The following SPEM2 variants were observed in gnomAD, a reference collection of about 807,000 sequenced individuals.
The protein encoded by SPEM2 is SPEM family member 2.
A neutral mutation model predicts 9.3 loss-of-function variants in SPEM2; 15 were observed. That is an observed-to-expected ratio of 1.62 (90% confidence interval 1.08 to 2.50). SPEM2 has a LOEUF of 2.50. Among genes scored for constraint, SPEM2 ranks in the 30% most tolerant of loss-of-function variants. The pLI is 0.00. For synonymous variants in SPEM2, 268 were observed against 272.4 expected (o/e 0.98, Z 0.16); for missense variants, 678 against 690.0 (o/e 0.98, Z 0.19).
In SPEM2 at chr17:7,427,038, G is replaced by T; in HGVS notation, c.1047G>T (p.Gln349His). The change falls in exon 3 of 3, where the codon CAG becomes CAT. Residue 349 changes from glutamine (Q) to histidine (H), a missense_variant. Coordinates refer to ENST00000333870, the MANE Select transcript of SPEM2 (RefSeq NM_175734.5). This position sits in a 1 kb window ranked among gnomAD's most constrained non-coding sequence, Gnocchi z 5.4. ...AGCACCACTCCCCACAGTCCCACCA[G>T]CAGAGCCTGCTTGGTCACGCCTATG... is the stretch of plus-strand genomic sequence containing the variant. ...CREHHSPQSH[Q>H]QSLLGHAYGQ... is the part of the protein sequence containing the mutation. 1 of 1,612,132 alleles carries T rather than the reference G, an allele frequency of 6.2e-7. No homozygotes were observed.
rs1489581346 is a variant in SPEM2, at chr17:7,425,676, G to T, written c.-13G>T. On this transcript the variant is annotated 5_prime_UTR_variant, in exon 1 of 3. In the 5' UTR this introduces an upstream ATG that the reference lacks. Transcript: ENST00000333870. ...GAGGGGGGTGGCCCAGGTGGCCCTA[G>T]GACCCCCCCTCCATGGAAAACCAGC... 7.4e-6 allele frequency: 12 copies of T among 1,612,604 alleles called. No homozygotes were observed. The highest frequency in any genetic ancestry group is 9.3e-6 in the Non-Finnish European group (11 of 1,179,216).
At chr17:7,425,908 G>T (rs2150824240) in intron 1 of SPEM2, 82 bp downstream of exon 1, 3 of 1,612,100 alleles carry the variant, frequency 1.9e-6, no homozygotes, top group Middle Eastern at 1.7e-4. Context: ...TCCACCTGCA[G>T]GTGCGGTCTA....
rs185338080 is a variant in SPEM2, at chr17:7,426,373, C to T, written c.382C>T (p.Arg128Cys). The change falls in exon 3 of 3, where the codon CGC (arginine) becomes TGC (cysteine). Residue 128 changes from arginine to cysteine, a missense_variant. Arg to Cys is a radical substitution (Grantham distance 180, BLOSUM62 -3). Coordinates refer to ENST00000333870, the MANE Select transcript of SPEM2 (RefSeq NM_175734.5). The surrounding 1 kb of genome is among the most constrained non-coding windows in gnomAD (Gnocchi z 5.3). ...TCTTCTTCGCTGTGTTCGTCGCCGC[C>T]GCCGCCGCCACCGCCGTTGTCGCCG... is the stretch of plus-strand genomic sequence containing the variant. The part of the protein sequence containing the change: ...SSLLRCVRRR[R>C]RRHRRCRRRC... The T allele has an allele frequency of 2.4e-3, 3,856 of 1,613,490 alleles. 11 individuals are homozygous for T. Among genetic ancestry groups the T allele is most frequent in the Non-Finnish European group, 3.1e-3 (3,665 of 1,179,970 alleles).
rs1307546618 is a variant in SPEM2 at position 7,426,526 on chromosome 17, G to A, written c.535G>A (p.Glu179Lys). 34 of 1,613,988 alleles carry A rather than the reference G, an allele frequency of 2.1e-5. No individual in the cohort carries two copies. Among genetic ancestry groups the A allele is most frequent in the Non-Finnish European group, 2.5e-5 (30 of 1,180,040 alleles). Residue 179 changes from glutamate to lysine, a missense_variant, in exon 3 of 3, where the codon GAG (glutamate) becomes AAG (lysine). Transcript: ENST00000333870. The surrounding 1 kb of genome is among the most constrained non-coding windows in gnomAD (Gnocchi z 5.3). ...QLHRVPFFDQ[E>K]DPDSYLEEED... ...ACACCGAGTGCCTTTCTTTGATCAG[G>A]AGGACCCGGATTCCTACCTGGAGGA...
At position 7,427,423 on chromosome 17, in the gene SPEM2, A is replaced by T. The variant is rs1437195251; in HGVS notation, c.1432A>T (p.Ser478Cys). ...RQVQKSRARS[S>C]SLPPASTSTL... ...GGTGCAGAAGAGCAGAGCCAGGTCC[A>T]GCTCACTGCCACCGGCTTCCACCTC... The change falls in exon 3 of 3, where the codon AGC becomes TGC. Residue 478 changes from serine (S) to cysteine (C), a missense_variant. Physicochemically the swap from Ser to Cys is moderately radical, Grantham distance 112. Transcript: ENST00000333870. The surrounding 1 kb of genome is among the most constrained non-coding windows in gnomAD (Gnocchi z 5.4). 6.2e-7 allele frequency: 1 copy of T among 1,611,240 alleles called. No individual in the cohort carries two copies.
Position 7,426,628 on chromosome 17 carries a change from C to T in SPEM2, c.637C>T (p.Pro213Ser). The part of the protein sequence containing the change: ...WGGFYQRAGL[P>S]SNVGLWGHQG... ...CGGGTTTTATCAGAGAGCGGGCCTG[C>T]CCTCCAATGTGGGGCTGTGGGGCCA... Residue 213 changes from proline to serine, a missense_variant, in exon 3 of 3, where the codon CCC (proline) becomes TCC (serine). Coordinates refer to ENST00000333870, the MANE Select transcript of SPEM2 (RefSeq NM_175734.5). The surrounding 1 kb of genome is among the most constrained non-coding windows in gnomAD (Gnocchi z 5.3). 1 of 1,613,972 alleles carries T rather than the reference C, an allele frequency of 6.2e-7. No homozygotes were observed. The highest frequency in any genetic ancestry group is 1.3e-5 in the African/African-American group (1 of 75,060).
Position 7,426,512 on chromosome 17 carries a change from C to A in SPEM2, c.521C>A (p.Pro174His), listed in dbSNP as rs1907611227. 2 of 1,614,028 alleles carry A rather than the reference C, an allele frequency of 1.2e-6. No homozygotes were observed. The highest frequency in any genetic ancestry group is 2.2e-5 in the South Asian group (2 of 91,094). ...SQKMSQLHRV[P>H]FFDQEDPDSY... ...AAGATGTCACAACTACACCGAGTGC[C>A]TTTCTTTGATCAGGAGGACCCGGAT... The change falls in exon 3 of 3, where the codon CCT becomes CAT. Residue 174 changes from proline to histidine, a missense_variant. Pro to His is a moderately conservative substitution (Grantham distance 77, BLOSUM62 -2). Transcript: ENST00000333870. The surrounding 1 kb of genome is among the most constrained non-coding windows in gnomAD (Gnocchi z 5.3).
rs1907591993 is a variant in SPEM2, at chr17:7,426,255, C to T, written c.264C>T (p.His88=). Residue 88 remains histidine (H), a synonymous_variant, in exon 3 of 3, where the codon CAC becomes CAT. Coordinates refer to ENST00000333870, the MANE Select transcript of SPEM2 (RefSeq NM_175734.5). The surrounding 1 kb of genome is among the most constrained non-coding windows in gnomAD (Gnocchi z 5.3). Reference sequence around the variant, plus strand: ...ACAAGGCTCAGGATGTCCACATCCACTGCATCCTGGACCCTGTGCAGGTGA... The same window carrying T: ...ACAAGGCTCAGGATGTCCACATCCATTGCATCCTGGACCCTGTGCAGGTGA... ...PPDKAQDVHI[H]CILDPVQVKM... is the part of the protein sequence containing the mutation. The T allele has an allele frequency of 6.2e-7, 1 of 1,614,184 alleles. No individual in the cohort carries two copies.
chr17:7,426,212 C>T lies in SPEM2; in HGVS notation c.221C>T (p.Pro74Leu), dbSNP rs375487223. ...QKNEIQASES[P>L]PSGPPDKAQD... is the part of the protein sequence containing the mutation. The stretch of plus-strand genomic sequence containing the variant: ...GATGAAATTCAGGCCAGTGAAAGTC[C>T]CCCAAGTGGTCCCCCAGACAAGGCT... The change falls in exon 3 of 3, where the codon CCC (proline) becomes CTC (leucine). Residue 74 changes from proline (P) to leucine (L), a missense_variant. Pro to Leu is a moderately conservative substitution (Grantham distance 98). Coordinates refer to ENST00000333870, the MANE Select transcript of SPEM2 (RefSeq NM_175734.5). This position sits in a 1 kb window ranked among gnomAD's most constrained non-coding sequence, Gnocchi z 5.3. 1.4e-5 allele frequency: 22 copies of T among 1,613,604 alleles called. No homozygotes were observed. In the African/African-American group the frequency reaches 2.0e-4, roughly 15 times the overall value.
At position 7,426,225 on chromosome 17, in the gene SPEM2, C is replaced by G; in HGVS notation, c.234C>G (p.Pro78=). Residue 78 remains proline, a synonymous_variant, in exon 3 of 3, where the codon CCC becomes CCG. Transcript: ENST00000333870. The surrounding 1 kb of genome is among the most constrained non-coding windows in gnomAD (Gnocchi z 5.3). The part of the protein sequence containing the change: ...IQASESPPSG[P]PDKAQDVHIH... ...CCAGTGAAAGTCCCCCAAGTGGTCC[C>G]CCAGACAAGGCTCAGGATGTCCACA... 6.2e-7 allele frequency: 1 copy of G among 1,614,014 alleles called. No homozygotes were observed. Among genetic ancestry groups the G allele is most frequent in the Non-Finnish European group, 8.5e-7 (1 of 1,179,920 alleles).
chr17:7,427,561 C>T lies in SPEM2; in HGVS notation c.*64C>T. The T allele has an allele frequency of 6.6e-7, 1 of 1,513,990 alleles. No homozygotes were observed. 93.8% of individuals were successfully genotyped at this position (1,513,990 alleles called of 1,614,324 possible). ...GGAGAGGAATAAAGAGAAACAGAGTCCAGGAAACACTGTGGTGGTCTGTAG... is the reference window on the plus strand; with the variant it reads ...GGAGAGGAATAAAGAGAAACAGAGTTCAGGAAACACTGTGGTGGTCTGTAG... On this transcript the variant is annotated 3_prime_UTR_variant, in exon 3 of 3. Transcript: ENST00000333870. The surrounding 1 kb of genome is among the most constrained non-coding windows in gnomAD (Gnocchi z 5.4).
chr17:7,426,876 G>T lies in SPEM2; in HGVS notation c.885G>T (p.Val295=). The change falls in exon 3 of 3, where the codon GTG becomes GTT. Residue 295 remains valine, a synonymous_variant. Transcript: ENST00000333870. The surrounding 1 kb of genome is among the most constrained non-coding windows in gnomAD (Gnocchi z 5.3). Reference sequence around the variant, plus strand: ...CCCCTAACCCCTCTTGGGTCCCCGTGGGGCACAGCCCTTACCCCTCAGTGG... The same window carrying T: ...CCCCTAACCCCTCTTGGGTCCCCGTTGGGCACAGCCCTTACCCCTCAGTGG... ...RLPPNPSWVP[V]GHSPYPSVGW... The T allele has an allele frequency of 6.2e-7, 1 of 1,613,046 alleles. No homozygotes were observed. Among genetic ancestry groups the T allele is most frequent in the Non-Finnish European group, 8.5e-7 (1 of 1,179,842 alleles).
At position 7,427,456 on chromosome 17, in the gene SPEM2, A is replaced by C; in HGVS notation, c.1465A>C (p.Arg489=). ...GCCACCGGCTTCCACCTCCACCTTG[A>C]GGCCCTCTCTGCACAGGAGCCAGAC... is the stretch of plus-strand genomic sequence containing the variant. ...SLPPASTSTL[R]PSLHRSQTEK... The change falls in exon 3 of 3, where the codon AGG becomes CGG. Residue 489 remains arginine, a synonymous_variant. Coordinates refer to ENST00000333870, the MANE Select transcript of SPEM2 (RefSeq NM_175734.5). This position sits in a 1 kb window ranked among gnomAD's most constrained non-coding sequence, Gnocchi z 5.4. 1.2e-6 allele frequency: 2 copies of C among 1,601,780 alleles called. No homozygotes were observed. Among genetic ancestry groups the C allele is most frequent in the East Asian group, 2.2e-5 (1 of 44,700 alleles).
Position 7,426,617 on chromosome 17 carries a change from G to C in SPEM2, c.626G>C (p.Arg209Thr), listed in dbSNP as rs749524832. 1.2e-6 allele frequency: 2 copies of C among 1,614,124 alleles called. No homozygotes were observed. The highest frequency in any genetic ancestry group is 2.2e-5 in the East Asian group (1 of 44,876). ...CGCGGCTGGGGCGGGTTTTATCAGAGAGCGGGCCTGCCCTCCAATGTGGGG... is the reference window on the plus strand; with the variant it reads ...CGCGGCTGGGGCGGGTTTTATCAGACAGCGGGCCTGCCCTCCAATGTGGGG... The part of the protein sequence containing the change: ...PRRGWGGFYQ[R>T]AGLPSNVGLW... The change falls in exon 3 of 3, where the codon AGA becomes ACA. Residue 209 changes from arginine to threonine, a missense_variant. Transcript: ENST00000333870. The surrounding 1 kb of genome is among the most constrained non-coding windows in gnomAD (Gnocchi z 5.3).
Position 7,426,268 on chromosome 17 carries a change from C to G in SPEM2, c.277C>G (p.Pro93Ala). ...QDVHIHCILD[P>A]VQVKMSRPTQ... ...TGTCCACATCCACTGCATCCTGGAC[C>G]CTGTGCAGGTGAAGATGTCCCGACC... The change falls in exon 3 of 3, where the codon CCT becomes GCT. Residue 93 changes from proline (P) to alanine (A), a missense_variant. Transcript: ENST00000333870. The surrounding 1 kb of genome is among the most constrained non-coding windows in gnomAD (Gnocchi z 5.3). 1 of 1,614,132 alleles carries G rather than the reference C, an allele frequency of 6.2e-7. No homozygotes were observed. The highest frequency in any genetic ancestry group is 8.5e-7 in the Non-Finnish European group (1 of 1,179,996).
In SPEM2 at chr17:7,426,054, A is replaced by G; in HGVS notation, c.196+4A>G. On this transcript the variant is annotated splice_donor_region_variant and intron_variant, in intron 2 of 2. Coordinates refer to ENST00000333870, the MANE Select transcript of SPEM2 (RefSeq NM_175734.5). This position sits in a 1 kb window ranked among gnomAD's most constrained non-coding sequence, Gnocchi z 5.3. ...ATTGATTGGGCTACTCAGAAAAGTA[A>G]GTGTGGCTGCTGGAGAGGTAGGGGA... 6.2e-7 allele frequency: 1 copy of G among 1,614,182 alleles called. No individual in the cohort carries two copies. Among genetic ancestry groups the G allele is most frequent in the Non-Finnish European group, 8.5e-7 (1 of 1,180,030 alleles).
Position 7,427,299 on chromosome 17 carries a change from G to T in SPEM2, c.1308G>T (p.Ala436=), listed in dbSNP as rs770047620. Residue 436 remains alanine (A), a synonymous_variant, in exon 3 of 3, where the codon GCG becomes GCT. Transcript: ENST00000333870. The surrounding 1 kb of genome is among the most constrained non-coding windows in gnomAD (Gnocchi z 5.4). ...SSQPWPKVQA[A]DPAPPPTMFV... is the part of the protein sequence containing the mutation. ...AGCCCTGGCCCAAAGTCCAGGCTGC[G>T]GACCCTGCCCCTCCCCCGACCATGT... is the stretch of plus-strand genomic sequence containing the variant. 2 of 1,614,072 alleles carry T rather than the reference G, an allele frequency of 1.2e-6. No individual in the cohort carries two copies. The highest frequency in any genetic ancestry group is 2.2e-5 in the South Asian group (2 of 91,068).
Position 7,427,340 on chromosome 17 carries a change from G to T in SPEM2, c.1349G>T (p.Arg450Leu). The T allele has an allele frequency of 6.2e-7, 1 of 1,614,092 alleles. No individual in the cohort carries two copies. Among genetic ancestry groups the T allele is most frequent in the Non-Finnish European group, 8.5e-7 (1 of 1,180,006 alleles). Reference sequence around the variant, plus strand: ...CCGACCATGTTTGTCCCACTCAGCCGGAATCCAGGGGGCAATGCCAACTAC... The same window carrying T: ...CCGACCATGTTTGTCCCACTCAGCCTGAATCCAGGGGGCAATGCCAACTAC... ...PPPTMFVPLSRNPGGNANYQV... is the reference protein window; with the variant it reads ...PPPTMFVPLSLNPGGNANYQV... Residue 450 changes from arginine to leucine, a missense_variant, in exon 3 of 3, where the codon CGG becomes CTG. Physicochemically the swap from Arg to Leu is moderately radical, Grantham distance 102. Coordinates refer to ENST00000333870, the MANE Select transcript of SPEM2 (RefSeq NM_175734.5). The surrounding 1 kb of genome is among the most constrained non-coding windows in gnomAD (Gnocchi z 5.4).
chr17:7,427,195 G>A lies in SPEM2; in HGVS notation c.1204G>A (p.Ala402Thr). The change falls in exon 3 of 3, where the codon GCC (alanine) becomes ACC (threonine). Residue 402 changes from alanine (A) to threonine (T), a missense_variant. Coordinates refer to ENST00000333870, the MANE Select transcript of SPEM2 (RefSeq NM_175734.5). This position sits in a 1 kb window ranked among gnomAD's most constrained non-coding sequence, Gnocchi z 5.4. ...LPAWRPLTTS[A>T]SLTVLDEASH... Reference sequence around the variant, plus strand: ...CGCCTGGCGTCCTCTGACTACCTCTGCCTCCCTCACGGTGTTGGACGAGGC... The same window carrying A: ...CGCCTGGCGTCCTCTGACTACCTCTACCTCCCTCACGGTGTTGGACGAGGC... 1 of 1,614,178 alleles carries A rather than the reference G, an allele frequency of 6.2e-7. No homozygotes were observed. The highest frequency in any genetic ancestry group is 8.5e-7 in the Non-Finnish European group (1 of 1,180,018).
Sources: gnomAD v4.1 joint callset for allele counts on GRCh38, gnomAD v4.1.1 for gene constraint, Gnocchi (gnomAD v3.1) non-coding constraint, MANE v1.5 for transcripts, NCBI Gene and HGNC (gene_info 2026-07-23, HGNC 2026-07-21) for gene names.